Variants in NALF1 observed in about 807,000 individuals in gnomAD.
NALF1 encodes the protein NALCN channel auxiliary factor 1.
Under a neutral mutation model 48.4 loss-of-function variants are expected in NALF1, and 3 were observed. The ratio of observed to expected loss-of-function variants is 0.06; its 90% CI spans 0.03 to 0.16. The LOEUF is 0.16. Among genes scored for constraint, NALF1 ranks in the 10% least tolerant of loss-of-function variants. NALF1 has a pLI of 1.00. For synonymous variants in NALF1, 262 were observed against 245.7 expected, an observed-to-expected ratio of 1.07 and a Z score of -0.62; for missense variants, 526 against 571.5, an observed-to-expected ratio of 0.92 and a Z score of 0.81.
chr13:107,593,576 C>T (rs1878656635), intron 1 of NALF1, among the ~76,000 whole-genome samples: 1 of 151,776 alleles, frequency 6.6e-6, no homozygotes, highest in Non-Finnish European at 1.5e-5. Flanking sequence ...GCTGAGAGAC[C>T]TAAGTCTATC....
intron 1 of NALF1, among the ~76,000 whole-genome samples, chr13:107,771,241 T>C (rs1371959827): frequency 2.0e-5 from 3 of 150,968 alleles, no homozygotes; most frequent in Non-Finnish European, 4.4e-5. Flanking sequence ...GATGTTATTT[T>C]AACATGTTGT....
chr13:107,231,300 T>C (rs1485335228), intron 1 of NALF1, among the ~76,000 whole-genome samples: 2 of 152,162 alleles, frequency 1.3e-5, no homozygotes, highest in Admixed American at 6.5e-5. Context: ...TTTCCTCAGT[T>C]ATTTGCATAT....
intron 1 of NALF1, among the ~76,000 whole-genome samples, chr13:107,454,457 C>T (rs1884792556): frequency 6.6e-6 from 1 of 152,080 alleles, no homozygotes; most frequent in Non-Finnish European, 1.5e-5. Context: ...CTTATAAAAC[C>T]ATCAGATCTC....
intron 1 of NALF1, among the ~76,000 whole-genome samples, chr13:107,269,848 C>A (rs1332891025): frequency 6.7e-6 from 1 of 149,502 alleles, no homozygotes. Flanking sequence ...CCCGGGTTCA[C>A]GCCATTCTCC....
At chr13:107,299,799 G>A (rs1346293260) in intron 1 of NALF1, among the ~76,000 whole-genome samples, 1 of 151,982 alleles carries the variant, frequency 6.6e-6, no homozygotes, top group Non-Finnish European at 1.5e-5. Flanking sequence ...GTCATTGTTT[G>A]ATTGCTTAAT....
At position 107,579,436 on chromosome 13, in the gene NALF1, G is replaced by T. The variant is rs76149227; in HGVS notation, c.915+286246C>A. ...CAATATCCATTCAGGTCTTCCTGAG[G>T]GCACTGTGCCCCCTCCTTATGTGGT... On this transcript the variant is annotated intron_variant, in intron 1 of 2. Transcript: ENST00000375915. 0.021 allele frequency among the ~76,000 whole-genome samples: 3,131 copies of T among 152,172 alleles called. 216 individuals are homozygous for T. In the East Asian group the frequency reaches 0.26, roughly 13 times the overall value.
At chr13:107,703,616 G>A (rs2138513347) in intron 1 of NALF1, among the ~76,000 whole-genome samples, 1 of 152,192 alleles carries the variant, frequency 6.6e-6, no homozygotes, top group East Asian at 1.9e-4. Flanking sequence ...GCAACCCAAA[G>A]TGCATTTGCT....
chr13:107,705,758 A>G (rs1316967811), intron 1 of NALF1, among the ~76,000 whole-genome samples: 1 of 152,212 alleles, frequency 6.6e-6, no homozygotes, highest in Non-Finnish European at 1.5e-5. Flanking sequence ...ACAAAACAAA[A>G]ACAATTATGC....
intron 1 of NALF1, among the ~76,000 whole-genome samples, chr13:107,534,161 A>ACG (rs1244113172): frequency 6.6e-6 from 1 of 152,118 alleles, no homozygotes; most frequent in Non-Finnish European, 1.5e-5. Context: ...CCCCAGACCT[A>ACG]TGAAATCAGA....
At chr13:107,518,837 A>C (rs16970503) in intron 1 of NALF1, among the ~76,000 whole-genome samples, 6,637 of 152,246 alleles carry the variant, frequency 0.044, 235 homozygotes, top group East Asian at 0.1. Context: ...TGGAAAAGTG[A>C]ATTTGAAGTA....
Position 107,551,828 on chromosome 13 carries a change from T to C in NALF1, c.915+313854A>G, listed in dbSNP as rs1433689612. 2.0e-5 allele frequency among the ~76,000 whole-genome samples: 3 copies of C among 152,272 alleles called. No individual in the cohort carries two copies. In the East Asian group the frequency reaches 5.8e-4, roughly 29 times the overall value. On this transcript the variant is annotated intron_variant, in intron 1 of 2. Transcript: ENST00000375915. The stretch of plus-strand genomic sequence containing the variant: ...AAGTATGAATATGTTTCTAACAAGG[T>C]TATTTATTACACTAATCAGGTCTAC...
rs537976589 is a variant in NALF1, at chr13:107,509,374, C to T, written c.916-298619G>A. Among the ~76,000 whole-genome samples the T allele has an allele frequency of 1.6e-4, 24 of 152,204 alleles. 1 individual carries two copies. The highest frequency in any genetic ancestry group is 4.1e-4 in the South Asian group (2 of 4,830). ...TAATTATAAAGCATATTAATAACTA[C>T]GAAACCGTTGTCTAGGTTTCCTGGA... On this transcript the variant is annotated intron_variant, in intron 1 of 2. Coordinates refer to ENST00000375915, the MANE Select transcript of NALF1 (RefSeq NM_001080396.3).
At chr13:107,694,106 C>T (rs1881640745) in intron 1 of NALF1, among the ~76,000 whole-genome samples, 1 of 152,158 alleles carries the variant, frequency 6.6e-6, no homozygotes, top group Admixed American at 6.5e-5. Flanking sequence ...TATGTATCGA[C>T]CTGTAGCAGG....
At chr13:107,280,003 G>A (rs1366558843) in intron 1 of NALF1, among the ~76,000 whole-genome samples, 1 of 152,076 alleles carries the variant, frequency 6.6e-6, no homozygotes, top group Non-Finnish European at 1.5e-5. Flanking sequence ...TGTTGCCCAG[G>A]CTGGTCTTGA....
intron 1 of NALF1, among the ~76,000 whole-genome samples, chr13:107,217,570 C>T (rs9520328): frequency 0.49 from 74,419 of 151,790 alleles, 19,370 homozygotes; most frequent in South Asian, 0.75. Context: ...TCTTTCTCTC[C>T]CTCTCTCACT....
chr13:107,307,994 C>T (rs1215300449), intron 1 of NALF1, among the ~76,000 whole-genome samples: 2 of 152,078 alleles, frequency 1.3e-5, no homozygotes, highest in South Asian at 2.1e-4. Context: ...TTACAACTGG[C>T]ATTAACGCTG....
intron 2 of NALF1, among the ~76,000 whole-genome samples, chr13:107,182,565 C>T (rs551593529): frequency 6.6e-5 from 10 of 152,102 alleles, no homozygotes; most frequent in African/African-American, 1.4e-4. Context: ...TCACCACACT[C>T]GGCCCTATGT....
intron 1 of NALF1, among the ~76,000 whole-genome samples, chr13:107,326,778 G>A (rs1263450766): frequency 6.6e-6 from 1 of 152,210 alleles, no homozygotes; most frequent in Non-Finnish European, 1.5e-5. Flanking sequence ...CCCAGGGATA[G>A]TGTCTCCACT....
chr13:107,285,955 AT>A (rs1881484949), intron 1 of NALF1, among the ~76,000 whole-genome samples: 1 of 152,196 alleles, frequency 6.6e-6, no homozygotes. Flanking sequence ...GGAGTCCAAA[AT>A]GGAGAACAGA....
Sources: gnomAD v4.1 joint callset for allele counts (sites outside exome capture counted in the v4.1 genomes callset) on GRCh38, gnomAD v4.1.1 for gene constraint, MANE v1.5 for transcripts, NCBI Gene and HGNC (gene_info 2026-07-23, HGNC 2026-07-21) for gene names.